Variants in TMEM39B observed in about 807,000 individuals in gnomAD.
TMEM39B encodes transmembrane protein 39B.
A neutral mutation model predicts 52.2 loss-of-function variants in TMEM39B; 23 were observed. The ratio of observed to expected loss-of-function variants is 0.44; its 90% CI spans 0.32 to 0.62. The LOEUF (loss-of-function observed/expected upper bound fraction) is 0.62, where lower values mean the gene tolerates loss of function less well. Among genes scored for constraint, TMEM39B ranks in the 20% least tolerant of loss-of-function variants. The pLI, the probability that TMEM39B is intolerant of heterozygous loss-of-function variation, is 0.06. For missense variants in TMEM39B, 547 were observed against 642.0 expected (o/e 0.85, Z 1.60); for synonymous variants, 285 against 264.0 (o/e 1.08, Z -0.77).
In TMEM39B at chr1:32,094,957, C is replaced by A; in HGVS notation, c.1101C>A (p.Asn367Lys). ...WQKVDPALCS[N>K]VLQHPWTEEC... Reference sequence around the variant, plus strand: ...AGGTGGACCCAGCGCTGTGCTCCAACGTGCTGCAGCACCCGTGAGTCACCC... The same window carrying A: ...AGGTGGACCCAGCGCTGTGCTCCAAAGTGCTGCAGCACCCGTGAGTCACCC... Residue 367 changes from asparagine (N) to lysine (K), a missense_variant, in exon 7 of 9, where the codon AAC (asparagine) becomes AAA (lysine). By Grantham distance (94) the Asn-to-Lys change is moderately conservative. Coordinates refer to ENST00000336294, the MANE Select transcript of TMEM39B (RefSeq NM_018056.4). The A allele has an allele frequency of 6.2e-7, 1 of 1,613,386 alleles. No individual in the cohort carries two copies.
At chr1:32,072,797 C>A, upstream of TMEM39B, 1 of 537,752 alleles carries the variant, frequency 1.9e-6, no homozygotes, top group Non-Finnish European at 3.3e-6. Context: ...TCTTCACCAG[C>A]AGCTGCAGGA....
At chr1:32,100,958 G>A (rs1166318988) in intron 8 of TMEM39B, among the ~76,000 whole-genome samples, 1 of 152,176 alleles carries the variant, frequency 6.6e-6, no homozygotes, top group East Asian at 1.9e-4. Flanking sequence ...TTGAACTCAG[G>A]AGACGGAGGT....
At chr1:32,098,093 T>C (rs1640881842) in intron 7 of TMEM39B, among the ~76,000 whole-genome samples, 1 of 151,794 alleles carries the variant, frequency 6.6e-6, no homozygotes, top group African/African-American at 2.4e-5. Flanking sequence ...ACCTTCCGGG[T>C]TCAAGCGATT....
chr1:32,082,287 TC>T (rs1271668852), intron 5 of TMEM39B, among the ~76,000 whole-genome samples: 1 of 152,060 alleles, frequency 6.6e-6, no homozygotes, highest in Non-Finnish European at 1.5e-5. Context: ...ATTTAAGCCT[TC>T]CATTCTTTGT....
At chr1:32,084,698 T>G (rs1640263771) in intron 5 of TMEM39B, among the ~76,000 whole-genome samples, 1 of 152,016 alleles carries the variant, frequency 6.6e-6, no homozygotes, top group African/African-American at 2.4e-5. Flanking sequence ...GCCTCCTGAG[T>G]AGCTGGGATT....
chr1:32,087,350 G>GCCAC (rs1053366173), intron 5 of TMEM39B, among the ~76,000 whole-genome samples: 6 of 146,422 alleles, frequency 4.1e-5, no homozygotes, highest in African/African-American at 1.5e-4. Context: ...AAGGCCGGGT[G>GCCAC]CGGTGGCTCA....
Position 32,091,728 on chromosome 1 carries a change from G to A in TMEM39B, c.644G>A (p.Ser215Asn), listed in dbSNP as rs199745418. 12 of 1,613,940 alleles carry A rather than the reference G, an allele frequency of 7.4e-6. No homozygotes were observed. The highest frequency in any genetic ancestry group is 2.7e-5 in the African/African-American group (2 of 74,946). ...CTGAATTGCGACCTCCGCAAGACAA[G>A]CCTCTTCAACCACATGGCCTCCATG... ...LQLNCDLRKT[S>N]LFNHMASMGP... The change falls in exon 6 of 9, where the codon AGC becomes AAC. Residue 215 changes from serine (S) to asparagine (N), a missense_variant. Coordinates refer to ENST00000336294, the MANE Select transcript of TMEM39B (RefSeq NM_018056.4).
intron 6 of TMEM39B, among the ~76,000 whole-genome samples, chr1:32,093,042 C>T (rs12065562): frequency 6.6e-6 from 1 of 152,312 alleles, no homozygotes; most frequent in African/African-American, 2.4e-5. Flanking sequence ...GTCCTAACCT[C>T]TCAGTCTCCT....
rs2274256 is a variant in TMEM39B at position 32,074,857 on chromosome 1, G to A, written c.5-94G>A. On this transcript the variant is annotated intron_variant, in intron 1 of 8. Coordinates refer to ENST00000336294, the MANE Select transcript of TMEM39B (RefSeq NM_018056.4). ...GTCTCAGTGAGGATTAAATGATAAAGTGAGATACTAGGTGACTGGCAGCTG... is the reference window on the plus strand; with the variant it reads ...GTCTCAGTGAGGATTAAATGATAAAATGAGATACTAGGTGACTGGCAGCTG... The A allele has an allele frequency of 8.6e-6, 12 of 1,398,752 alleles. No homozygotes were observed. In the East Asian group the frequency reaches 2.6e-4, roughly 30 times the overall value. The allele number at this position is 1,398,752 out of a possible 1,614,324, so 86.6% of individuals were successfully genotyped here.
chr1:32,094,936 G>A lies in TMEM39B; in HGVS notation c.1080G>A (p.Val360=). 6.2e-7 allele frequency: 1 copy of A among 1,613,734 alleles called. No individual in the cohort carries two copies. Among genetic ancestry groups the A allele is most frequent in the Non-Finnish European group, 8.5e-7 (1 of 1,180,048 alleles). ...CCCATCTGGGCTGTTGGCAGAAGGT[G>A]GACCCAGCGCTGTGCTCCAACGTGC... ...AAAHLGCWQK[V]DPALCSNVLQ... Residue 360 remains valine, a synonymous_variant, in exon 7 of 9, where the codon GTG becomes GTA. Coordinates refer to ENST00000336294, the MANE Select transcript of TMEM39B (RefSeq NM_018056.4).
At position 32,094,906 on chromosome 1, in the gene TMEM39B, C is replaced by T. The variant is rs142841698; in HGVS notation, c.1050C>T (p.Ala350=). The T allele has an allele frequency of 3.8e-5, 61 of 1,613,886 alleles. No homozygotes were observed. The highest frequency in any genetic ancestry group is 5.3e-5 in the African/African-American group (4 of 74,944). The change falls in exon 7 of 9, where the codon GCC becomes GCT. Residue 350 remains alanine, a synonymous_variant. Coordinates refer to ENST00000336294, the MANE Select transcript of TMEM39B (RefSeq NM_018056.4). ...GCTACTGTGACCTGCTGCACAAGGC[C>T]GCCGCCCATCTGGGCTGTTGGCAGA... ...PASYCDLLHK[A]AAHLGCWQKV... is the part of the protein sequence containing the mutation.
At chr1:32,072,818 G>C (rs1639691253), upstream of TMEM39B, 2 of 548,496 alleles carry the variant, frequency 3.6e-6, no homozygotes, top group South Asian at 2.2e-5. Flanking sequence ...AGGGCGTGGG[G>C]GACCGAGAGA....
At chr1:32,084,749 G>A (rs531040926) in intron 5 of TMEM39B, among the ~76,000 whole-genome samples, 4 of 152,096 alleles carry the variant, frequency 2.6e-5, no homozygotes, top group Admixed American at 2.0e-4. Context: ...TGTATTTTTA[G>A]TAGAGACGGG....
intron 5 of TMEM39B, among the ~76,000 whole-genome samples, chr1:32,079,151 T>TCAACACA (rs1639986297): frequency 6.6e-6 from 1 of 151,076 alleles, no homozygotes; most frequent in African/African-American, 2.4e-5. Context: ...CCACTACTGA[T>TCAACACA]CAACACAGGA....
At chr1:32,088,199 G>A (rs889914919) in intron 5 of TMEM39B, among the ~76,000 whole-genome samples, 2 of 148,356 alleles carry the variant, frequency 1.3e-5, no homozygotes, top group Non-Finnish European at 3.0e-5. Context: ...GGGCGATCAC[G>A]AGATCAGGAG....
At chr1:32,073,483 T>C in intron 1 of TMEM39B, 1 of 971,484 alleles carries the variant, frequency 1.0e-6, no homozygotes, top group Admixed American at 5.8e-5. Flanking sequence ...GTGGGGCTTC[T>C]GGGCTGAGAG....
chr1:32,094,913 C>A lies in TMEM39B; in HGVS notation c.1057C>A (p.His353Asn), dbSNP rs771743935. The A allele has an allele frequency of 6.2e-7, 1 of 1,614,002 alleles. No individual in the cohort carries two copies. The highest frequency in any genetic ancestry group is 8.5e-7 in the Non-Finnish European group (1 of 1,180,046). ...YCDLLHKAAA[H>N]LGCWQKVDPA... ...TGACCTGCTGCACAAGGCCGCCGCC[C>A]ATCTGGGCTGTTGGCAGAAGGTGGA... The change falls in exon 7 of 9, where the codon CAT (histidine) becomes AAT (asparagine). Residue 353 changes from histidine (H) to asparagine (N), a missense_variant. Physicochemically the swap from His to Asn is moderately conservative, Grantham distance 68 (BLOSUM62 1). Coordinates refer to ENST00000336294, the MANE Select transcript of TMEM39B (RefSeq NM_018056.4).
In TMEM39B at chr1:32,102,707, T is replaced by C; in HGVS notation, c.*34T>C. ...GTCACCTCAGGGACAGCGTCCAGGCTTCAGCCAAGGGCTCCCTGGCAAGGG... is the reference window on the plus strand; with the variant it reads ...GTCACCTCAGGGACAGCGTCCAGGCCTCAGCCAAGGGCTCCCTGGCAAGGG... On this transcript the variant is annotated 3_prime_UTR_variant, in exon 9 of 9. Transcript: ENST00000336294. 1.4e-6 allele frequency: 2 copies of C among 1,434,380 alleles called. No individual in the cohort carries two copies. The highest frequency in any genetic ancestry group is 1.8e-6 in the Non-Finnish European group (2 of 1,086,018). 88.9% of individuals were successfully genotyped at this position (1,434,380 alleles called of 1,614,324 possible).
intron 8 of TMEM39B, 190 bp downstream of exon 8, chr1:32,100,752 A>G (rs1249307199): frequency 1.4e-6 from 1 of 728,804 alleles, no homozygotes. Flanking sequence ...TCGGCCGGGC[A>G]TGGTGGCTCA....
Sources: allele counts gnomAD v4.1 joint callset (sites outside exome capture counted in the v4.1 genomes callset), GRCh38; gene constraint gnomAD v4.1.1; transcripts MANE v1.5; gene names NCBI Gene and HGNC (gene_info 2026-07-23, HGNC 2026-07-21).